The following ZNF536 variants were observed in gnomAD, a reference collection of about 807,000 sequenced individuals.
The protein encoded by ZNF536 is zinc finger protein 536.
In ZNF536, 13 loss-of-function variants were observed where a neutral mutation model predicts 84.5. That is an observed-to-expected ratio of 0.15 (90% CI 0.10 to 0.24). ZNF536 has a LOEUF of 0.24. Among genes scored for constraint, ZNF536 ranks in the 10% least tolerant of loss-of-function variants. The pLI is 1.00. For synonymous variants in ZNF536, 811 were observed against 742.5 expected, an observed-to-expected ratio of 1.09 and a Z score of -1.50; for missense variants, 1,536 against 1,747.5, an observed-to-expected ratio of 0.88 and a Z score of 2.16.
At chr19:30,504,835 G>A (rs2055100667) in intron 2 of ZNF536, among the ~76,000 whole-genome samples, 1 of 151,992 alleles carries the variant, frequency 6.6e-6, no homozygotes, top group Non-Finnish European at 1.5e-5. Context: ...GCTGTGACCT[G>A]GGGCGCCATT....
At chr19:30,547,873 C>T (rs2146169283) in intron 3 of ZNF536, 70 bp from the exon 4 acceptor site, 2 of 1,480,042 alleles carry the variant, frequency 1.4e-6, no homozygotes, top group Non-Finnish European at 1.8e-6. Flanking sequence ...AATGTTGATC[C>T]TTCCAGCCTC....
chr19:30,550,085 T>C (rs1310945891), intron 4 of ZNF536, among the ~76,000 whole-genome samples: 2 of 152,192 alleles, frequency 1.3e-5, no homozygotes, highest in East Asian at 1.9e-4. Context: ...ACAAACCAAA[T>C]GGCAGTTACT....
intron 2 of ZNF536, among the ~76,000 whole-genome samples, chr19:30,530,971 C>T (rs542223787): frequency 7.0e-4 from 107 of 152,326 alleles, no homozygotes; most frequent in Non-Finnish European, 1.3e-3. Flanking sequence ...CTGCGGGTGT[C>T]CTGCCAGCAC....
chr19:30,646,780 C>T (rs2049487946), intron 1 of ZNF536, among the ~76,000 whole-genome samples: 1 of 152,180 alleles, frequency 6.6e-6, no homozygotes, highest in Non-Finnish European at 1.5e-5. Flanking sequence ...TCAACTGGCA[C>T]CTGCCCTCCG....
chr19:30,279,341 A>G (rs2045353115), intron 1 of ZNF536, among the ~76,000 whole-genome samples: 1 of 152,196 alleles, frequency 6.6e-6, no homozygotes, highest in Non-Finnish European at 1.5e-5. Flanking sequence ...GCCTGACTGC[A>G]GGGGTGCTGG....
intron 2 of ZNF536, among the ~76,000 whole-genome samples, chr19:30,338,483 G>A (rs1234246755): frequency 1.3e-5 from 2 of 149,336 alleles, no homozygotes; most frequent in African/African-American, 2.5e-5. Flanking sequence ...AATGATGATA[G>A]TGATGATGAT....
At chr19:30,528,264 T>G (rs2044671487) in intron 2 of ZNF536, among the ~76,000 whole-genome samples, 1 of 152,200 alleles carries the variant, frequency 6.6e-6, no homozygotes. Context: ...CAAAATGTAC[T>G]TCTGGGCATC....
chr19:30,332,343 G>T (rs1814483700), intron 2 of ZNF536, among the ~76,000 whole-genome samples: 1 of 152,028 alleles, frequency 6.6e-6, no homozygotes, highest in Admixed American at 6.6e-5. Flanking sequence ...GGCCCCAGTG[G>T]CCCCAGCCTT....
At chr19:30,462,941 G>T (rs1230447760) in intron 2 of ZNF536, among the ~76,000 whole-genome samples, 1 of 145,828 alleles carries the variant, frequency 6.9e-6, no homozygotes, top group East Asian at 2.1e-4. Context: ...GGATGTGTTT[G>T]CTGGGATGGG....
chr19:30,322,499 C>T (rs1325423980), intron 2 of ZNF536, among the ~76,000 whole-genome samples: 14 of 152,144 alleles, frequency 9.2e-5, no homozygotes, highest in Non-Finnish European at 1.8e-4. Flanking sequence ...ACTCTGCAGG[C>T]GCCTTCTTGG....
chr19:30,629,335 G>C (rs1008927690), intron 1 of ZNF536, among the ~76,000 whole-genome samples: 5 of 152,096 alleles, frequency 3.3e-5, no homozygotes, highest in African/African-American at 1.2e-4. Flanking sequence ...AAGTAGCTGG[G>C]ACCACAGGCA....
At chr19:30,638,845 A>G (rs2049165839) in intron 1 of ZNF536, among the ~76,000 whole-genome samples, 1 of 152,298 alleles carries the variant, frequency 6.6e-6, no homozygotes, top group Middle Eastern at 3.4e-3. Flanking sequence ...TGCAAATGGA[A>G]TCTTCTTCCA....
At chr19:30,359,399 C>T (rs1003823646) in intron 3 of ZNF536, among the ~76,000 whole-genome samples, 7 of 152,206 alleles carry the variant, frequency 4.6e-5, no homozygotes, top group Admixed American at 1.3e-4. Flanking sequence ...CCTGGCCCCA[C>T]GCTTCTCCTG....
chr19:30,313,452 A>G (rs1308041016), intron 2 of ZNF536, among the ~76,000 whole-genome samples: 6 of 152,130 alleles, frequency 3.9e-5, no homozygotes, highest in African/African-American at 1.2e-4. Context: ...GCCTGGCCAC[A>G]CACAGCCCTG....
chr19:30,441,881 T>C (rs1160548504), intron 1 of ZNF536, among the ~76,000 whole-genome samples: 1 of 152,170 alleles, frequency 6.6e-6, no homozygotes, highest in East Asian at 1.9e-4. Context: ...GGAAGTCAGG[T>C]CTCCCATTGG....
rs774627590 is a variant in ZNF536 at position 30,445,191 on chromosome 19, G to T, written c.1629G>T (p.Pro543=). ...MEHGFLSKEH[P]LQRNHEDTLA... is the part of the protein sequence containing the mutation. ...ATGGCTTCTTGTCTAAAGAGCATCC[G>T]CTGCAGCGCAACCACGAAGACACTT... Residue 543 remains proline, a synonymous_variant, in exon 2 of 5, where the codon CCG becomes CCT. Transcript: ENST00000355537. The surrounding 1 kb of genome is among the most constrained non-coding windows in gnomAD (Gnocchi z 4.5). 6.2e-7 allele frequency: 1 copy of T among 1,614,186 alleles called. No individual in the cohort carries two copies. Among genetic ancestry groups the T allele is most frequent in the Admixed American group, 1.7e-5 (1 of 60,036 alleles).
chr19:30,449,243 G>C (rs534959931), intron 2 of ZNF536, among the ~76,000 whole-genome samples: 1 of 152,112 alleles, frequency 6.6e-6, no homozygotes, highest in African/African-American at 2.4e-5. Flanking sequence ...TGTAGCCTCC[G>C]TGTACAATGC....
chr19:30,608,614 C>T (rs1174446537), intron 1 of ZNF536, among the ~76,000 whole-genome samples: 1 of 152,142 alleles, frequency 6.6e-6, no homozygotes, highest in Non-Finnish European at 1.5e-5. Flanking sequence ...ATAGAAGACA[C>T]TGGTGTAGTG....
intron 2 of ZNF536, among the ~76,000 whole-genome samples, chr19:30,304,885 A>C (rs1600149430): frequency 6.6e-6 from 1 of 152,214 alleles, no homozygotes; most frequent in Non-Finnish European, 1.5e-5. Context: ...GAGAAGTTCT[A>C]GGGGCAAAGC....
Sources: gnomAD v4.1 joint callset for allele counts (sites outside exome capture counted in the v4.1 genomes callset) on GRCh38, gnomAD v4.1.1 for gene constraint, Gnocchi (gnomAD v3.1) non-coding constraint, MANE v1.5 for transcripts, NCBI Gene and HGNC (gene_info 2026-07-23, HGNC 2026-07-21) for gene names.